The following CDH9 variants were observed in gnomAD, a reference collection of about 807,000 sequenced individuals.
CDH9 encodes the protein cadherin 9.
A neutral mutation model predicts 70.9 loss-of-function variants in CDH9; 28 were observed. That is an observed-to-expected ratio of 0.40 (90% confidence interval 0.29 to 0.54). The LOEUF is 0.54. CDH9 is among the 20% of genes least tolerant of loss of function. CDH9 has a pLI of 0.59. For synonymous variants in CDH9, 409 were observed against 343.1 expected, an observed-to-expected ratio of 1.19 and a Z score of -2.12; for missense variants, 874 against 984.4, an observed-to-expected ratio of 0.89 and a Z score of 1.50.
intron 8 of CDH9, 22 bp from the exon 9 acceptor site, chr5:26,889,979 G>A (rs2111972519): frequency 1.9e-6 from 3 of 1,606,864 alleles, no homozygotes; most frequent in Non-Finnish European, 2.6e-6. Flanking sequence ...ACACGTGTAA[G>A]ATTTCAGTCT....
At chr5:26,988,650 T>C (rs1742529633) in intron 1 of CDH9, among the ~76,000 whole-genome samples, 1 of 152,060 alleles carries the variant, frequency 6.6e-6, no homozygotes, top group African/African-American at 2.4e-5. Context: ...AATATTTTTG[T>C]AATTTAAAAC....
At position 26,948,552 on chromosome 5, in the gene CDH9, C is replaced by G. The variant is rs1741792780; in HGVS notation, c.229-32628G>C. ...ACCACTAGTTCTTATGTCACCTTTCCTGATCATGTAACAGATGTAACATGA... is the reference window on the plus strand; with the variant it reads ...ACCACTAGTTCTTATGTCACCTTTCGTGATCATGTAACAGATGTAACATGA... On this transcript the variant is annotated intron_variant, in intron 2 of 11. Coordinates refer to ENST00000231021, the MANE Select transcript of CDH9 (RefSeq NM_016279.4). Among the ~76,000 whole-genome samples the G allele has an allele frequency of 3.3e-5, 5 of 152,126 alleles. No individual in the cohort carries two copies. In the South Asian group the frequency reaches 1.0e-3, roughly 32 times the overall value.
intron 7 of CDH9, among the ~76,000 whole-genome samples, chr5:26,893,148 GC>G: frequency 6.6e-6 from 1 of 152,128 alleles, no homozygotes; most frequent in Non-Finnish European, 1.5e-5. Flanking sequence ...TAAGAATTAT[GC>G]TGAACTTAAG....
intron 5 of CDH9, among the ~76,000 whole-genome samples, chr5:26,904,705 A>G (rs1740915185): frequency 1.3e-5 from 2 of 152,068 alleles, no homozygotes; most frequent in African/African-American, 4.8e-5. Flanking sequence ...AATAAATTCA[A>G]CTGCCTGGGT....
intron 9 of CDH9, among the ~76,000 whole-genome samples, chr5:26,886,383 T>A (rs928974803): frequency 1.3e-5 from 2 of 152,056 alleles, no homozygotes; most frequent in Admixed American, 6.6e-5. Context: ...CCAATACCTA[T>A]CCTCTTTTGA....
At chr5:26,993,838 G>A (rs1335029511) in intron 1 of CDH9, among the ~76,000 whole-genome samples, 1 of 152,030 alleles carries the variant, frequency 6.6e-6, no homozygotes, top group Non-Finnish European at 1.5e-5. Context: ...TTTCTTCACA[G>A]GGCTTCAGGG....
chr5:26,975,866 G>A (rs1221573425), intron 2 of CDH9, among the ~76,000 whole-genome samples: 3 of 152,178 alleles, frequency 2.0e-5, no homozygotes, highest in Admixed American at 1.3e-4. Flanking sequence ...AGCTCAAACA[G>A]AGAGAAGCAA....
At chr5:26,893,539 G>C (rs1005132895) in intron 7 of CDH9, among the ~76,000 whole-genome samples, 1 of 151,882 alleles carries the variant, frequency 6.6e-6, no homozygotes, top group Admixed American at 6.6e-5. Flanking sequence ...AAGAATTTAG[G>C]CACTTAAAAT....
chr5:26,909,293 A>G (rs1240875466), intron 3 of CDH9, among the ~76,000 whole-genome samples: 2 of 152,146 alleles, frequency 1.3e-5, no homozygotes, highest in Non-Finnish European at 2.9e-5. Flanking sequence ...ATTTTATACT[A>G]ATTTTATAAA....
intron 2 of CDH9, among the ~76,000 whole-genome samples, chr5:26,925,327 G>C (rs920232070): frequency 6.6e-6 from 1 of 152,004 alleles, no homozygotes; most frequent in Non-Finnish European, 1.5e-5. Context: ...TCATGTGTCT[G>C]TTGGCTGCAT....
intron 1 of CDH9, among the ~76,000 whole-genome samples, chr5:27,036,497 T>A (rs1158840741): frequency 6.6e-6 from 1 of 151,966 alleles, no homozygotes; most frequent in African/African-American, 2.4e-5. Context: ...CATAGTTATG[T>A]AAACCATTTC....
At chr5:26,926,450 A>G (rs9686983) in intron 2 of CDH9, among the ~76,000 whole-genome samples, 14,553 of 152,166 alleles carry the variant, frequency 0.096, 876 homozygotes, top group East Asian at 0.17. Flanking sequence ...GAGCACACAA[A>G]CAAATGGAAG....
At chr5:27,028,487 G>C (rs749737199) in intron 1 of CDH9, 2 of 151,956 alleles carry the variant, frequency 1.3e-5, no homozygotes, top group Admixed American at 6.6e-5. Context: ...GATAGGTACT[G>C]TTGTAATGGA....
chr5:26,943,037 T>A (rs1741689313), intron 2 of CDH9, among the ~76,000 whole-genome samples: 1 of 152,312 alleles, frequency 6.6e-6, no homozygotes, highest in South Asian at 2.1e-4. Flanking sequence ...CAAGACCAAA[T>A]AAGCTGAGTT....
intron 1 of CDH9, among the ~76,000 whole-genome samples, chr5:27,032,088 G>C (rs1579524104): frequency 6.6e-6 from 1 of 151,798 alleles, no homozygotes. Context: ...ATATTTAGCT[G>C]TCTATATATA....
intron 7 of CDH9, among the ~76,000 whole-genome samples, chr5:26,899,252 G>T (rs1740809292): frequency 6.6e-6 from 1 of 152,164 alleles, no homozygotes; most frequent in Non-Finnish European, 1.5e-5. Context: ...CATTGTAGAA[G>T]ACAGTGTGGT....
intron 2 of CDH9, among the ~76,000 whole-genome samples, chr5:26,955,194 T>C (rs1561016934): frequency 6.6e-6 from 1 of 152,220 alleles, no homozygotes; most frequent in Non-Finnish European, 1.5e-5. Flanking sequence ...TCTGAAATGT[T>C]TTATCTCCTC....
At chr5:26,924,196 C>T (rs1280562956) in intron 2 of CDH9, among the ~76,000 whole-genome samples, 1 of 151,390 alleles carries the variant, frequency 6.6e-6, no homozygotes, top group African/African-American at 2.4e-5. Context: ...TAAGTAAAAT[C>T]GAAGATAAAA....
intron 2 of CDH9, among the ~76,000 whole-genome samples, chr5:26,984,057 G>A (rs538277722): frequency 1.4e-3 from 206 of 152,074 alleles, no homozygotes; most frequent in Non-Finnish European, 2.4e-3. Flanking sequence ...GTTGTTTTAG[G>A]TAACAGATAA....
Sources: allele counts gnomAD v4.1 joint callset (sites outside exome capture counted in the v4.1 genomes callset), GRCh38; gene constraint gnomAD v4.1.1; transcripts MANE v1.5; gene names NCBI Gene and HGNC (gene_info 2026-07-23, HGNC 2026-07-21).